Variants in OLFM3 observed in about 807,000 individuals in gnomAD.
OLFM3 encodes the protein noelin-3.
Under a neutral mutation model 48.6 loss-of-function variants are expected in OLFM3, and 20 were observed. The ratio of observed to expected loss-of-function variants is 0.41; its 90% confidence interval spans 0.29 to 0.60. The LOEUF is 0.60. OLFM3 is among the 20% of genes least tolerant of loss of function. The pLI, the probability that OLFM3 is intolerant of heterozygous loss-of-function variation, is 0.28. For missense variants in OLFM3, 437 were observed against 544.3 expected (o/e 0.80, Z 1.96); for synonymous variants, 222 against 198.1 (o/e 1.12, Z -1.01).
intron 1 of OLFM3, among the ~76,000 whole-genome samples, chr1:101,931,542 T>C (rs1350962551): frequency 6.6e-6 from 1 of 152,218 alleles, no homozygotes; most frequent in Non-Finnish European, 1.5e-5. Flanking sequence ...ATGGTTCATG[T>C]ATTACTGCAT....
At chr1:101,994,488 T>A (rs937813101) in intron 1 of OLFM3, among the ~76,000 whole-genome samples, 26 of 150,368 alleles carry the variant, frequency 1.7e-4, no homozygotes, top group African/African-American at 6.3e-4. Flanking sequence ...ACTAGTAGAA[T>A]GAAAAATAAA....
At chr1:101,895,807 T>C (rs1553178053) in intron 1 of OLFM3, among the ~76,000 whole-genome samples, 1 of 152,074 alleles carries the variant, frequency 6.6e-6, no homozygotes, top group Non-Finnish European at 1.5e-5. Context: ...ACACTGCAAA[T>C]GAAAAACTTG....
chr1:101,815,932 C>A (rs1215601830), intron 4 of OLFM3, among the ~76,000 whole-genome samples: 2 of 152,104 alleles, frequency 1.3e-5, no homozygotes, highest in East Asian at 1.9e-4. Context: ...AGGTATCTAG[C>A]ACAGAACTCT....
intron 1 of OLFM3, among the ~76,000 whole-genome samples, chr1:101,911,426 G>A (rs1368476392): frequency 1.3e-5 from 2 of 152,012 alleles, no homozygotes; most frequent in Admixed American, 6.6e-5. Context: ...GAAACCTCAT[G>A]GGCCCCTTAC....
intron 1 of OLFM3, among the ~76,000 whole-genome samples, chr1:101,888,168 C>T (rs534318755): frequency 6.6e-6 from 1 of 152,014 alleles, no homozygotes; most frequent in African/African-American, 2.4e-5. Flanking sequence ...TCATATAGAA[C>T]CAAAAGAGAG....
intron 1 of OLFM3, among the ~76,000 whole-genome samples, chr1:101,977,101 G>C (rs544844605): frequency 7.9e-5 from 12 of 152,230 alleles, no homozygotes; most frequent in Middle Eastern, 3.4e-3. Flanking sequence ...TACAAACTAT[G>C]AGTCTTACCA....
intron 1 of OLFM3, among the ~76,000 whole-genome samples, chr1:101,971,744 T>A (rs751955122): frequency 3.3e-5 from 5 of 152,168 alleles, no homozygotes; most frequent in African/African-American, 7.2e-5. Flanking sequence ...TTTGGTCAGA[T>A]CATTTCTTAA....
chr1:101,984,513 T>A (rs1661182520), intron 1 of OLFM3, among the ~76,000 whole-genome samples: 1 of 152,152 alleles, frequency 6.6e-6, no homozygotes, highest in South Asian at 2.1e-4. Flanking sequence ...TTCTCCTGCC[T>A]CAGCATCCCA....
chr1:101,897,732 G>A (rs901709525), intron 1 of OLFM3, among the ~76,000 whole-genome samples: 2 of 152,096 alleles, frequency 1.3e-5, no homozygotes, highest in Admixed American at 6.5e-5. Flanking sequence ...ATTAAAATAT[G>A]AAATAAATCT....
At position 101,826,129 on chromosome 1, in the gene OLFM3, A is replaced by AACACACACACACAC. The variant is rs66617960; in HGVS notation, c.373-898_373-885dup. On this transcript the variant is annotated intron_variant, in intron 3 of 5. Coordinates refer to ENST00000370103, the MANE Select transcript of OLFM3 (RefSeq NM_058170.4). ...GAAACTGAAGCATTGACTTTCGTCA[A>AACACACACACACAC]ACACACACACACACACACACACACA... 9.3e-4 allele frequency among the ~76,000 whole-genome samples: 124 copies of AACACACACACACAC among 133,074 alleles called. 1 individual carries two copies. The highest frequency in any genetic ancestry group is 3.5e-3 in the African/African-American group (121 of 34,516). The allele number at this position is 133,074 out of a possible 152,430, so 87.3% of individuals were successfully genotyped here.
chr1:101,968,027 C>A (rs1660666903), intron 1 of OLFM3, among the ~76,000 whole-genome samples: 2 of 152,188 alleles, frequency 1.3e-5, no homozygotes, highest in South Asian at 4.1e-4. Context: ...AGCCACCTAG[C>A]CAGTTGGTTT....
intron 1 of OLFM3, among the ~76,000 whole-genome samples, chr1:101,967,600 A>AAAAAAAAAAAAAAAG (rs1660652251): frequency 6.7e-6 from 1 of 149,902 alleles, no homozygotes; most frequent in Non-Finnish European, 1.5e-5. Flanking sequence ...GAAAAAAAAA[A>AAAAAAAAAAAAAAAG]AAAAAAAAAA....
intron 1 of OLFM3, among the ~76,000 whole-genome samples, chr1:101,917,429 T>A (rs529048225): frequency 1.3e-5 from 2 of 152,166 alleles, no homozygotes; most frequent in East Asian, 3.9e-4. Flanking sequence ...TATATATATA[T>A]ATTTTGAGAC....
chr1:101,934,298 C>T (rs1297335068), intron 1 of OLFM3, among the ~76,000 whole-genome samples: 1 of 151,964 alleles, frequency 6.6e-6, no homozygotes, highest in African/African-American at 2.4e-5. Flanking sequence ...AAAAATTAAA[C>T]AAAACAAAGA....
chr1:101,853,450 G>A (rs1217015669), intron 1 of OLFM3, among the ~76,000 whole-genome samples: 1 of 151,724 alleles, frequency 6.6e-6, no homozygotes, highest in Non-Finnish European at 1.5e-5. Context: ...TTTCTCCTTA[G>A]AACTAGGTAG....
chr1:101,876,242 C>T (rs1311654108), intron 1 of OLFM3, among the ~76,000 whole-genome samples: 1 of 151,958 alleles, frequency 6.6e-6, no homozygotes, highest in East Asian at 1.9e-4. Context: ...GAGCCACCTG[C>T]TCTGAACAGC....
At chr1:101,864,689 C>T (rs1234555355) in intron 1 of OLFM3, among the ~76,000 whole-genome samples, 2 of 151,940 alleles carry the variant, frequency 1.3e-5, no homozygotes, top group African/African-American at 4.8e-5. Context: ...CAGGAGTCTC[C>T]CAACCAGAAC....
intron 1 of OLFM3, among the ~76,000 whole-genome samples, chr1:101,968,287 C>A (rs1201801436): frequency 6.6e-6 from 1 of 152,144 alleles, no homozygotes; most frequent in African/African-American, 2.4e-5. Flanking sequence ...CAATTGCTCT[C>A]CTCATCCAGA....
intron 1 of OLFM3, among the ~76,000 whole-genome samples, chr1:101,878,898 T>C (rs1157017090): frequency 6.6e-6 from 1 of 151,908 alleles, no homozygotes; most frequent in Non-Finnish European, 1.5e-5. Context: ...CATCACAGAC[T>C]ACAACCAGTA....
Sources: gnomAD v4.1 joint callset for allele counts (sites outside exome capture counted in the v4.1 genomes callset) on GRCh38, gnomAD v4.1.1 for gene constraint, MANE v1.5 for transcripts, NCBI Gene and HGNC (gene_info 2026-07-23, HGNC 2026-07-21) for gene names.